Variants in RNF2 observed in about 807,000 individuals in gnomAD.
RNF2 encodes the protein ring finger protein 2, also known as E3 ubiquitin-protein ligase RING2.
RNF2 carries 6 observed loss-of-function variants against 37.2 expected under a neutral mutation model. The observed-to-expected ratio is 0.16, with a 90% CI of 0.09 to 0.32. The LOEUF is 0.32. RNF2 is among the 10% of genes least tolerant of loss of function. The pLI, the probability that RNF2 is intolerant of heterozygous loss-of-function variation, is 1.00. For missense variants in RNF2, 251 were observed against 404.0 expected (o/e 0.62, Z 3.25); for synonymous variants, 133 against 132.7 (o/e 1.00, Z -0.02).
chr1:185,069,010 A>G (rs1001005552), intron 1 of RNF2, among the ~76,000 whole-genome samples: 1 of 152,130 alleles, frequency 6.6e-6, no homozygotes, highest in African/African-American at 2.4e-5. Context: ...GTTTCATCCA[A>G]TTTGGAAGCT....
At chr1:185,061,107 T>C (rs1255107467) in intron 1 of RNF2, among the ~76,000 whole-genome samples, 1 of 148,112 alleles carries the variant, frequency 6.8e-6, no homozygotes, top group East Asian at 2.0e-4. Context: ...GGTGCTGGAG[T>C]GAGACCCTAT....
chr1:185,091,517 G>T, intron 2 of RNF2, 62 bp from the exon 3 acceptor site: 1 of 1,516,896 alleles, frequency 6.6e-7, no homozygotes, highest in Admixed American at 1.7e-5. Context: ...ACTTTTATAT[G>T]TTTGAGCTTG....
At chr1:185,097,312 T>A (rs949844373) in intron 4 of RNF2, among the ~76,000 whole-genome samples, 1 of 152,238 alleles carries the variant, frequency 6.6e-6, no homozygotes, top group Admixed American at 6.5e-5. Flanking sequence ...TCATTTTGTA[T>A]CGCCTTAGCT....
At chr1:185,047,118 G>C (rs906746787) in intron 1 of RNF2, among the ~76,000 whole-genome samples, 6 of 152,148 alleles carry the variant, frequency 3.9e-5, no homozygotes, top group African/African-American at 1.4e-4. Context: ...TCTAGGGGTA[G>C]CACAGCAAAT....
At chr1:185,080,534 T>G (rs1218559705) in intron 1 of RNF2, among the ~76,000 whole-genome samples, 1 of 152,226 alleles carries the variant, frequency 6.6e-6, no homozygotes, top group Non-Finnish European at 1.5e-5. Context: ...GCCCCTATTT[T>G]TGGTCTCAGG....
rs1214302818 is a variant in RNF2 at position 185,100,455 on chromosome 1, C to T, written c.*154C>T. ...GTTTACGCTATTCAAATCTTTTCCC[C>T]TTTATTTAAGATTTCCTTTTTGGAA... On this transcript the variant is annotated 3_prime_UTR_variant, in exon 7 of 7. Coordinates refer to ENST00000367510, the MANE Select transcript of RNF2 (RefSeq NM_007212.4). 3 of 428,464 alleles carry T rather than the reference C, an allele frequency of 7.0e-6. No individual in the cohort carries two copies. The highest frequency in any genetic ancestry group is 7.1e-5 in the East Asian group (2 of 28,032). The allele number at this position is 428,464 out of a possible 1,614,324, so 26.5% of individuals were successfully genotyped here.
chr1:185,061,649 G>A (rs932310423), intron 1 of RNF2, among the ~76,000 whole-genome samples: 2 of 152,322 alleles, frequency 1.3e-5, no homozygotes, highest in Admixed American at 1.3e-4. Context: ...AGCTAGATGT[G>A]TGAATTTTAA....
chr1:185,076,268 G>GCTTTTTTTTTTTTT (rs1553240995), intron 1 of RNF2, among the ~76,000 whole-genome samples: 1 of 27,334 alleles, frequency 3.7e-5, no homozygotes, highest in Non-Finnish European at 7.6e-5. Context: ...TTTATGGGTT[G>GCTTTTTTTTTTTTT]TTTTTTTTTT....
intron 1 of RNF2, chr1:185,046,015 C>T (rs554239863): frequency 6.6e-6 from 1 of 152,374 alleles, no homozygotes; most frequent in East Asian, 1.9e-4. Context: ...GGGCGGGGGC[C>T]CCAGCCTCTC....
intron 1 of RNF2, among the ~76,000 whole-genome samples, chr1:185,082,269 T>C (rs1015542643): frequency 7.9e-5 from 12 of 151,800 alleles, no homozygotes; most frequent in Admixed American, 7.2e-4. Context: ...ATGATTGTCC[T>C]CAGTTGGTCG....
At chr1:185,054,007 C>T (rs1650352546) in intron 1 of RNF2, among the ~76,000 whole-genome samples, 1 of 152,134 alleles carries the variant, frequency 6.6e-6, no homozygotes, top group African/African-American at 2.4e-5. Flanking sequence ...CCCCCCCACC[C>T]AGTGTTTCTC....
chr1:185,062,810 T>TC lies in RNF2; in HGVS notation c.-3+17171dup, dbSNP rs556635205. Among the ~76,000 whole-genome samples the TC allele has an allele frequency of 6.8e-3, 918 of 134,244 alleles. 12 individuals are homozygous for TC. The highest frequency in any genetic ancestry group is 0.019 in the African/African-American group (645 of 33,562). The allele number at this position is 134,244 out of a possible 152,430, so 88.1% of individuals were successfully genotyped here. A position where few individuals can be genotyped will look rare whatever the true frequency, so the allele number is the denominator to read the frequency against. On this transcript the variant is annotated intron_variant, in intron 1 of 6. Coordinates refer to ENST00000367510, the MANE Select transcript of RNF2 (RefSeq NM_007212.4). ...AATGGATATAAATAATTGGTAGACC[T>TC]CCCCCCCCCCAAAAAAAGGCCAATA...
At chr1:185,070,147 A>G (rs1025025871) in intron 1 of RNF2, among the ~76,000 whole-genome samples, 3 of 152,198 alleles carry the variant, frequency 2.0e-5, no homozygotes, top group African/African-American at 7.2e-5. Flanking sequence ...AATAGAGAAG[A>G]TGATATCACC....
intron 1 of RNF2, among the ~76,000 whole-genome samples, chr1:185,050,708 A>C (rs1650246498): frequency 6.6e-6 from 1 of 152,250 alleles, no homozygotes; most frequent in Non-Finnish European, 1.5e-5. Context: ...CAGATAGAAA[A>C]ATTGAAAGGG....
intron 5 of RNF2, among the ~76,000 whole-genome samples, chr1:185,099,213 A>G (rs1652007078): frequency 6.6e-6 from 1 of 151,318 alleles, no homozygotes; most frequent in Non-Finnish European, 1.5e-5. Flanking sequence ...ACACCTGGCT[A>G]ATTTTTGTAT....
rs180751851 is a variant in RNF2, at chr1:185,068,049, G to A, written c.-2-19503G>A. On this transcript the variant is annotated intron_variant, in intron 1 of 6. Coordinates refer to ENST00000367510, the MANE Select transcript of RNF2 (RefSeq NM_007212.4). ...GACAGAGTCTTGCACTGTTGCCCAC[G>A]CTGGAGTGCAATGGTACGATCTCGG... 7.3e-5 allele frequency among the ~76,000 whole-genome samples: 11 copies of A among 150,796 alleles called. No individual in the cohort carries two copies. The East Asian group carries it at 9.7e-4, about 13-fold the overall frequency.
intron 1 of RNF2, among the ~76,000 whole-genome samples, chr1:185,061,313 G>C (rs1422864675): frequency 6.6e-6 from 1 of 151,570 alleles, no homozygotes; most frequent in African/African-American, 2.4e-5. Context: ...ATTTTTAGTA[G>C]AGACGGGGTT....
chr1:185,094,481 C>T (rs1466008928), intron 4 of RNF2, among the ~76,000 whole-genome samples: 1 of 152,036 alleles, frequency 6.6e-6, no homozygotes, highest in African/African-American at 2.4e-5. Context: ...TCCTGTATTC[C>T]AGTCCGTAAA....
chr1:185,098,384 A>G (rs1651973801), intron 5 of RNF2, 40 bp downstream of exon 5: 1 of 1,595,948 alleles, frequency 6.3e-7, no homozygotes, highest in Non-Finnish European at 8.6e-7. Context: ...TAAATTCAGA[A>G]TGTTTAATTT....
Sources: allele counts gnomAD v4.1 joint callset (sites outside exome capture counted in the v4.1 genomes callset), GRCh38; gene constraint gnomAD v4.1.1; transcripts MANE v1.5; gene names NCBI Gene and HGNC (gene_info 2026-07-23, HGNC 2026-07-21).